Variants in PPM1L observed in about 807,000 individuals in gnomAD.
The protein encoded by PPM1L is protein phosphatase 1L.
In PPM1L, 13 loss-of-function variants were observed where a neutral mutation model predicts 31.4. The observed-to-expected ratio is 0.41, with a 90% CI of 0.27 to 0.66. The LOEUF is 0.66. Ranked by LOEUF, PPM1L falls within the 30% of genes least tolerant of loss-of-function variation. The probability of loss-of-function intolerance (pLI) is 0.29; values close to 1 mark genes in which losing one functional copy is unlikely to be tolerated. For missense variants in PPM1L, 326 were observed against 453.7 expected (o/e 0.72, Z 2.56); for synonymous variants, 184 against 175.4 (o/e 1.05, Z -0.39).
rs1559947746 is a variant in PPM1L, at chr3:161,076,973, C to CTTT, written c.*7820_*7822dup. The CTTT allele has an allele frequency of 6.6e-6, 1 of 152,182 alleles. No individual in the cohort carries two copies. Among genetic ancestry groups the CTTT allele is most frequent in the Admixed American group, 6.5e-5 (1 of 15,272 alleles). 9.4% of individuals were successfully genotyped at this position (152,182 alleles called of 1,614,324 possible). ...GTGTGTTTGTATATTTTATTCTTTC[C>CTTT]TTTTTTGTGTGAGCATCTACTATGT... is the stretch of plus-strand genomic sequence containing the variant. On this transcript the variant is annotated 3_prime_UTR_variant, in exon 4 of 4. Coordinates refer to ENST00000498165, the MANE Select transcript of PPM1L (RefSeq NM_139245.4).
At chr3:160,936,116 G>T (rs1410464695) in intron 1 of PPM1L, among the ~76,000 whole-genome samples, 4 of 152,032 alleles carry the variant, frequency 2.6e-5, no homozygotes, top group Non-Finnish European at 4.4e-5. Context: ...AACTTGGAGA[G>T]AATTTTTTTT....
intron 1 of PPM1L, among the ~76,000 whole-genome samples, chr3:160,774,130 C>G (rs762160408): frequency 2.0e-5 from 3 of 152,122 alleles, no homozygotes; most frequent in Non-Finnish European, 4.4e-5. Flanking sequence ...CCAAATTTAC[C>G]TCTTTTGTCC....
chr3:160,839,115 A>G (rs1251116232), intron 1 of PPM1L, among the ~76,000 whole-genome samples: 1 of 152,192 alleles, frequency 6.6e-6, no homozygotes, highest in Non-Finnish European at 1.5e-5. Flanking sequence ...TGCTGGTGCT[A>G]TGCTCTTTGA....
intron 1 of PPM1L, among the ~76,000 whole-genome samples, chr3:160,906,716 C>T (rs1317617159): frequency 6.6e-6 from 1 of 152,190 alleles, no homozygotes; most frequent in Non-Finnish European, 1.5e-5. Context: ...GCTGAATGCT[C>T]ATCTGAAGGT....
intron 1 of PPM1L, among the ~76,000 whole-genome samples, chr3:160,769,393 C>A (rs374032161): frequency 8.5e-5 from 13 of 152,186 alleles, no homozygotes; most frequent in African/African-American, 2.9e-4. Context: ...AAAGAGTAAA[C>A]CTTCTTATTT....
chr3:160,956,217 T>G (rs1275150453), intron 1 of PPM1L, among the ~76,000 whole-genome samples: 1 of 152,196 alleles, frequency 6.6e-6, no homozygotes, highest in Non-Finnish European at 1.5e-5. Context: ...TTTAATGTCT[T>G]CCAGACTAAC....
At chr3:160,895,093 G>A (rs1394426888) in intron 1 of PPM1L, among the ~76,000 whole-genome samples, 2 of 152,156 alleles carry the variant, frequency 1.3e-5, no homozygotes, top group Admixed American at 6.5e-5. Flanking sequence ...GGACATTACT[G>A]TAGTATAGCC....
chr3:160,826,561 G>T (rs1252524269), intron 1 of PPM1L, among the ~76,000 whole-genome samples: 1 of 152,078 alleles, frequency 6.6e-6, no homozygotes, highest in Non-Finnish European at 1.5e-5. Flanking sequence ...TTTATTCAAA[G>T]TCCATTTAGA....
At chr3:160,977,254 A>G (rs1716621241) in intron 2 of PPM1L, among the ~76,000 whole-genome samples, 1 of 152,202 alleles carries the variant, frequency 6.6e-6, no homozygotes, top group African/African-American at 2.4e-5. Flanking sequence ...TTTCTTTAGT[A>G]TATACACTGG....
intron 2 of PPM1L, among the ~76,000 whole-genome samples, chr3:161,025,029 A>G (rs995960735): frequency 2.0e-5 from 3 of 152,216 alleles, no homozygotes; most frequent in Non-Finnish European, 2.9e-5. Context: ...AATTTCTAGA[A>G]TTCTGAAAAA....
intron 2 of PPM1L, among the ~76,000 whole-genome samples, chr3:161,062,335 G>C (rs1719597778): frequency 6.6e-6 from 1 of 152,098 alleles, no homozygotes; most frequent in African/African-American, 2.4e-5. Flanking sequence ...GGGCACAGTG[G>C]CTCACACCTG....
At chr3:161,015,066 T>G (rs1393101408) in intron 2 of PPM1L, among the ~76,000 whole-genome samples, 1 of 147,306 alleles carries the variant, frequency 6.8e-6, no homozygotes, top group Non-Finnish European at 1.5e-5. Flanking sequence ...TGTAGGGCAG[T>G]TGGTAGGGGG....
chr3:161,069,496 C>A lies in PPM1L; in HGVS notation c.*339C>A. 3.7e-6 allele frequency: 1 copy of A among 271,284 alleles called. No homozygotes were observed. The highest frequency in any genetic ancestry group is 7.1e-6 in the Non-Finnish European group (1 of 140,998). 16.8% of individuals were successfully genotyped at this position (271,284 alleles called of 1,614,324 possible). A position where few individuals can be genotyped will look rare whatever the true frequency, so the allele number is the denominator to read the frequency against. ...TTCTTTTCAAGATCCTGTTCAGGGT[C>A]CTCCAGGCATCAGCTGTTGTGTCCT... On this transcript the variant is annotated 3_prime_UTR_variant, in exon 4 of 4. Coordinates refer to ENST00000498165, the MANE Select transcript of PPM1L (RefSeq NM_139245.4).
At chr3:160,861,699 GT>G (rs1403284119) in intron 1 of PPM1L, among the ~76,000 whole-genome samples, 8 of 152,268 alleles carry the variant, frequency 5.3e-5, no homozygotes, top group Non-Finnish European at 1.0e-4. Context: ...AACAACACAA[GT>G]TTGTTATTAT....
At chr3:160,831,886 C>A (rs1402460339) in intron 1 of PPM1L, among the ~76,000 whole-genome samples, 4 of 152,182 alleles carry the variant, frequency 2.6e-5, no homozygotes, top group African/African-American at 9.7e-5. Flanking sequence ...TCTTCAGTCC[C>A]TAGTAATCCC....
intron 1 of PPM1L, among the ~76,000 whole-genome samples, chr3:160,872,540 C>T (rs1576681974): frequency 6.6e-6 from 1 of 152,122 alleles, no homozygotes; most frequent in Non-Finnish European, 1.5e-5. Flanking sequence ...GGGAACAAAC[C>T]AGAATTAAAT....
chr3:160,897,942 T>C (rs1713404163), intron 1 of PPM1L, among the ~76,000 whole-genome samples: 1 of 152,224 alleles, frequency 6.6e-6, no homozygotes, highest in Non-Finnish European at 1.5e-5. Context: ...ACAAAATCCA[T>C]TAGTACCAAC....
Position 160,791,874 on chromosome 3 carries a change from C to T in PPM1L, c.399+35167C>T, listed in dbSNP as rs554482821. The stretch of plus-strand genomic sequence containing the variant: ...CAGTCTAGGCAGAGGGACGCTACTG[C>T]AAAGGTGACATGAGTTTTTTTTATT... On this transcript the variant is annotated intron_variant, in intron 1 of 3. Transcript: ENST00000498165. Among the ~76,000 whole-genome samples, 7 of 152,184 alleles carry T rather than the reference C, an allele frequency of 4.6e-5. No homozygotes were observed. In the South Asian group the frequency reaches 1.5e-3, roughly 32 times the overall value.
chr3:160,827,545 A>G (rs899515162), intron 1 of PPM1L, among the ~76,000 whole-genome samples: 9 of 151,724 alleles, frequency 5.9e-5, no homozygotes, highest in Non-Finnish European at 8.8e-5. Flanking sequence ...AAACGTGTGC[A>G]TACTCTAATA....
Sources: allele counts gnomAD v4.1 joint callset (sites outside exome capture counted in the v4.1 genomes callset), GRCh38; gene constraint gnomAD v4.1.1; transcripts MANE v1.5; gene names NCBI Gene and HGNC (gene_info 2026-07-23, HGNC 2026-07-21).